Variants in SOX7 observed in about 807,000 individuals in gnomAD.
SOX7 encodes transcription factor SOX-7.
SOX7 carries 19 observed loss-of-function variants against 24.9 expected under a neutral mutation model. The ratio of observed to expected loss-of-function variants is 0.76; its 90% CI spans 0.53 to 1.12. SOX7 has a LOEUF of 1.12. Ranked by LOEUF, SOX7 falls within the 50% of genes most tolerant of loss-of-function variation. SOX7 has a pLI of 0.00. For missense variants in SOX7, 702 were observed against 535.0 expected, an observed-to-expected ratio of 1.31 and a Z score of -3.08; for synonymous variants, 327 against 244.5, an observed-to-expected ratio of 1.34 and a Z score of -3.15.
At chr8:10,728,065 G>A (rs1800189514) in intron 1 of SOX7, among the ~76,000 whole-genome samples, 2 of 152,214 alleles carry the variant, frequency 1.3e-5, no homozygotes, top group Admixed American at 1.3e-4. Flanking sequence ...AGTGTTAGGA[G>A]CTGCAGATTC....
chr8:10,726,090 G>C lies in SOX7; in HGVS notation c.815C>G (p.Ser272Cys). ...AGATGGGGGACAGCCGGGTACAGGG[G>C]ACATCATGGAGACGCCGGGGGACTG... ...LGQSPGVSMM[S>C]PVPGCPPSPA... Residue 272 changes from serine (S) to cysteine (C), a missense_variant, in exon 2 of 2, where the codon TCC becomes TGC. Physicochemically the swap from Ser to Cys is moderately radical, Grantham distance 112. Coordinates refer to ENST00000304501, the MANE Select transcript of SOX7 (RefSeq NM_031439.4). 3.8e-6 allele frequency: 6 copies of C among 1,565,330 alleles called. No homozygotes were observed. The South Asian group carries it at 6.1e-5, about 16-fold the overall frequency.
rs751277659 is a variant in SOX7, at chr8:10,726,663, T to A, written c.242A>T (p.Lys81Met). 1 of 1,564,836 alleles carries A rather than the reference T, an allele frequency of 6.4e-7. No individual in the cohort carries two copies. Among genetic ancestry groups the A allele is most frequent in the Non-Finnish European group, 8.6e-7 (1 of 1,160,680 alleles). Residue 81 changes from lysine to methionine, a missense_variant, in exon 2 of 2, where the codon AAG becomes ATG. Transcript: ENST00000304501. ...HNAELSKMLG[K>M]SWKALTLSQK... ...GGACAGCGTCAGCGCCTTCCACGAC[T>A]TTCCTGCTCACACAAGGCAGAGGAG...
Position 10,730,465 on chromosome 8 carries a change from C to T in SOX7, c.-32G>A, listed in dbSNP as rs542057637. ...ACGCGGGTCGCCTCGCTTCGCCTGG[C>T]GGGGCAGGCGCGGACCTGGCCCTCG... On this transcript the variant is annotated 5_prime_UTR_variant, in exon 1 of 2. Coordinates refer to ENST00000304501, the MANE Select transcript of SOX7 (RefSeq NM_031439.4). This position sits in a 1 kb window ranked among gnomAD's most constrained non-coding sequence, Gnocchi z 4.8. 1 of 1,402,920 alleles carries T rather than the reference C, an allele frequency of 7.1e-7. No individual in the cohort carries two copies. Among genetic ancestry groups the T allele is most frequent in the Non-Finnish European group, 9.3e-7 (1 of 1,079,506 alleles). 86.9% of individuals were successfully genotyped at this position (1,402,920 alleles called of 1,614,324 possible). A position where few individuals can be genotyped will look rare whatever the true frequency, so the allele number is the denominator to read the frequency against.
Position 10,725,303 on chromosome 8 carries a change from G to T in SOX7, c.*435C>A, listed in dbSNP as rs1421375096. On this transcript the variant is annotated 3_prime_UTR_variant, in exon 2 of 2. Transcript: ENST00000304501. ...CACACAAAATTATCACCAGATCGTA[G>T]GTTAGCGAGCTCATTAATGAGTCAA... 5.2e-6 allele frequency: 1 copy of T among 191,790 alleles called. No individual in the cohort carries two copies. Among genetic ancestry groups the T allele is most frequent in the African/African-American group, 2.4e-5 (1 of 42,260 alleles). 11.9% of individuals were successfully genotyped at this position (191,790 alleles called of 1,614,324 possible).
At chr8:10,727,145 T>C (rs1344906616) in intron 1 of SOX7, among the ~76,000 whole-genome samples, 3 of 152,212 alleles carry the variant, frequency 2.0e-5, no homozygotes, top group Non-Finnish European at 2.9e-5. Flanking sequence ...ACCTATGGCA[T>C]AAATCTCACA....
At chr8:10,727,775 T>A (rs2081409478) in intron 1 of SOX7, among the ~76,000 whole-genome samples, 1 of 152,168 alleles carries the variant, frequency 6.6e-6, no homozygotes, top group South Asian at 2.1e-4. Context: ...TGTTCTACCA[T>A]GATGCTAATG....
In SOX7 at chr8:10,726,632, C is replaced by A; in HGVS notation, c.273G>T (p.Lys91Asn). ...GCTCCGCCTCGTCCACGTACGGCCT[C>A]TTCTGGGACAGCGTCAGCGCCTTCC... Reference protein sequence around the residue: ...KSWKALTLSQKRPYVDEAERL... With the variant: ...KSWKALTLSQNRPYVDEAERL... Residue 91 changes from lysine to asparagine, a missense_variant, in exon 2 of 2, where the codon AAG becomes AAT. Coordinates refer to ENST00000304501, the MANE Select transcript of SOX7 (RefSeq NM_031439.4). 1 of 1,595,540 alleles carries A rather than the reference C, an allele frequency of 6.3e-7. No homozygotes were observed.
chr8:10,726,893 T>C (rs1476259352), intron 1 of SOX7, among the ~76,000 whole-genome samples: 4 of 152,114 alleles, frequency 2.6e-5, no homozygotes, highest in African/African-American at 4.8e-5. Flanking sequence ...TCGTGCACGG[T>C]GCACACAGAA....
In SOX7 at chr8:10,726,056, A is replaced by G; in HGVS notation, c.849T>C (p.Tyr283=). 1 of 1,567,210 alleles carries G rather than the reference A, an allele frequency of 6.4e-7. No homozygotes were observed. Among genetic ancestry groups the G allele is most frequent in the Non-Finnish European group, 8.7e-7 (1 of 1,155,878 alleles). ...PVPGCPPSPA[Y]YSPATYHPLH... is the part of the protein sequence containing the mutation. ...GTGGGTGGTAGGTGGCCGGGGAGTA[A>G]TAGGCAGGAGATGGGGGACAGCCGG... The change falls in exon 2 of 2, where the codon TAT becomes TAC. Residue 283 remains tyrosine (Y), a synonymous_variant. Coordinates refer to ENST00000304501, the MANE Select transcript of SOX7 (RefSeq NM_031439.4).
In SOX7 at chr8:10,730,149, G is replaced by T. The variant is rs756913483; in HGVS notation, c.238+47C>A. On this transcript the variant is annotated intron_variant, in intron 1 of 1. Coordinates refer to ENST00000304501, the MANE Select transcript of SOX7 (RefSeq NM_031439.4). This position sits in a 1 kb window ranked among gnomAD's most constrained non-coding sequence, Gnocchi z 4.8. ...CGCCCTGCAGTGCCGCCAGCCGCCC[G>T]CCGCCCGCCCCCGGCCCCCAGCCCG... The T allele has an allele frequency of 1.2e-6, 1 of 848,870 alleles. No homozygotes were observed. The allele number at this position is 848,870 out of a possible 1,614,324, so 52.6% of individuals were successfully genotyped here. A position where few individuals can be genotyped will look rare whatever the true frequency, so the allele number is the denominator to read the frequency against.
At chr8:10,728,457 C>T (rs1294476965) in intron 1 of SOX7, among the ~76,000 whole-genome samples, 2 of 152,144 alleles carry the variant, frequency 1.3e-5, no homozygotes, top group Non-Finnish European at 2.9e-5. Context: ...ATCCTGCTGC[C>T]CCCTACTAAC....
chr8:10,727,079 C>A (rs1286921408), intron 1 of SOX7, among the ~76,000 whole-genome samples: 1 of 152,164 alleles, frequency 6.6e-6, no homozygotes, highest in African/African-American at 2.4e-5. Context: ...TGTGTATTCT[C>A]ATGAAAATCT....
rs375805764 is a variant in SOX7, at chr8:10,725,706, G to A, written c.*32C>T. 3 of 1,611,392 alleles carry A rather than the reference G, an allele frequency of 1.9e-6. No individual in the cohort carries two copies. Among genetic ancestry groups the A allele is most frequent in the African/African-American group, 1.3e-5 (1 of 74,892 alleles). On this transcript the variant is annotated 3_prime_UTR_variant, in exon 2 of 2. Transcript: ENST00000304501. ...ACTCAAGGCACAAGAAGGAGAGGGCGCGAGGGCTGACCGGACGGGGCGCCT... is the reference window on the plus strand; with the variant it reads ...ACTCAAGGCACAAGAAGGAGAGGGCACGAGGGCTGACCGGACGGGGCGCCT...
At chr8:10,729,385 A>C (rs541014608) in intron 1 of SOX7, 1 of 152,354 alleles carries the variant, frequency 6.6e-6, no homozygotes, top group East Asian at 1.9e-4. Context: ...CGAAAGGCAA[A>C]GAAGGCAGGG....
rs375218316 is a variant in SOX7 at position 10,726,693 on chromosome 8, T to A, written c.239-27A>T. 538 of 1,538,996 alleles carry A rather than the reference T, an allele frequency of 3.5e-4. 1 individual carries two copies. Among genetic ancestry groups the A allele is most frequent in the Non-Finnish European group, 4.3e-4 (495 of 1,148,350 alleles). Reference sequence around the variant, plus strand: ...TGCTCACACAAGGCAGAGGAGGCCATGCTCAGTGCTGTGCCCCGCAGGCAT... The same window carrying A: ...TGCTCACACAAGGCAGAGGAGGCCAAGCTCAGTGCTGTGCCCCGCAGGCAT... On this transcript the variant is annotated intron_variant, in intron 1 of 1. Coordinates refer to ENST00000304501, the MANE Select transcript of SOX7 (RefSeq NM_031439.4).
Position 10,724,065 on chromosome 8 carries a change from C to G in SOX7, c.*1673G>C, listed in dbSNP as rs1563177635. The G allele has an allele frequency of 6.6e-6, 1 of 152,018 alleles. No homozygotes were observed. Among genetic ancestry groups the G allele is most frequent in the Non-Finnish European group, 1.5e-5 (1 of 67,996 alleles). 9.4% of individuals were successfully genotyped at this position (152,018 alleles called of 1,614,324 possible). On this transcript the variant is annotated 3_prime_UTR_variant, in exon 2 of 2. Coordinates refer to ENST00000304501, the MANE Select transcript of SOX7 (RefSeq NM_031439.4). Reference sequence around the variant, plus strand: ...GGACAAAAAGGATTTATCAACAATACAAAACATAAGATAAAAATAATAGGA... The same window carrying G: ...GGACAAAAAGGATTTATCAACAATAGAAAACATAAGATAAAAATAATAGGA...
rs186242121 is a variant in SOX7, at chr8:10,730,444, G to C, written c.-11C>G. 1.6e-3 allele frequency: 2,335 copies of C among 1,450,740 alleles called. 23 individuals are homozygous for C. The African/African-American group carries it at 0.028, about 17-fold the overall frequency. The allele number at this position is 1,450,740 out of a possible 1,614,324, so 89.9% of individuals were successfully genotyped here. ...CAGCAGCGAAGCCATGGCCGCACGC[G>C]GGTCGCCTCGCTTCGCCTGGCGGGG... On this transcript the variant is annotated 5_prime_UTR_variant, in exon 1 of 2. Coordinates refer to ENST00000304501, the MANE Select transcript of SOX7 (RefSeq NM_031439.4). The surrounding 1 kb of genome is among the most constrained non-coding windows in gnomAD (Gnocchi z 4.8).
Position 10,725,969 on chromosome 8 carries a change from G to A in SOX7, c.936C>T (p.Phe312=), listed in dbSNP as rs750648412. 4 of 1,609,030 alleles carry A rather than the reference G, an allele frequency of 2.5e-6. No homozygotes were observed. The highest frequency in any genetic ancestry group is 1.7e-5 in the Admixed American group (1 of 59,810). Residue 312 remains phenylalanine, a synonymous_variant, in exon 2 of 2, where the codon TTC becomes TTT. Transcript: ENST00000304501. ...QLSPPPEHPG[F]DALDQLSQVE... is the part of the protein sequence containing the mutation. ...CCTGGCTCAGTTGATCCAGGGCGTCGAAGCCAGGGTGCTCAGGAGGCGGGG... is the reference window on the plus strand; with the variant it reads ...CCTGGCTCAGTTGATCCAGGGCGTCAAAGCCAGGGTGCTCAGGAGGCGGGG...
At chr8:10,728,864 A>C (rs1800206132) in intron 1 of SOX7, among the ~76,000 whole-genome samples, 1 of 152,394 alleles carries the variant, frequency 6.6e-6, no homozygotes, top group South Asian at 2.1e-4. Flanking sequence ...ACATATTTTC[A>C]CTTCTTTTAA....
Sources: allele counts gnomAD v4.1 joint callset (sites outside exome capture counted in the v4.1 genomes callset), GRCh38; gene constraint gnomAD v4.1.1; non-coding constraint Gnocchi (gnomAD v3.1); transcripts MANE v1.5; gene names NCBI Gene and HGNC (gene_info 2026-07-23, HGNC 2026-07-21).